The following PLCB4 variants were observed in gnomAD, a reference collection of about 807,000 sequenced individuals.
PLCB4 encodes 1-phosphatidylinositol 4,5-bisphosphate phosphodiesterase beta-4.
A neutral mutation model predicts 178.8 loss-of-function variants in PLCB4; 77 were observed. The ratio of observed to expected loss-of-function variants is 0.43; its 90% CI spans 0.36 to 0.52. PLCB4 has a LOEUF of 0.52. Ranked by LOEUF, PLCB4 falls within the 20% of genes least tolerant of loss-of-function variation. The probability of loss-of-function intolerance (pLI) is 0.00; values close to 1 mark genes in which losing one functional copy is unlikely to be tolerated. For missense variants in PLCB4, 1,024 were observed against 1,453.4 expected (o/e 0.70, Z 4.80); for synonymous variants, 496 against 490.8 (o/e 1.01, Z -0.14).
At chr20:9,464,579 TA>T (rs1200370596) in intron 35 of PLCB4, among the ~76,000 whole-genome samples, 15 of 151,402 alleles carry the variant, frequency 9.9e-5, no homozygotes, top group Admixed American at 4.6e-4. Context: ...AAAGATGCAA[TA>T]AAAAAATGAT....
Position 9,173,661 on chromosome 20 carries a change from TTG to T in PLCB4, c.-78-43727_-78-43726del, listed in dbSNP as rs2093103532. Among the ~76,000 whole-genome samples the T allele has an allele frequency of 1.3e-5, 2 of 152,188 alleles. 1 individual carries two copies. Among genetic ancestry groups the T allele is most frequent in the Admixed American group, 1.3e-4 (2 of 15,272 alleles). ...TGAATCCCTCTGAACTCTGTTTCTA[TTG>T]TCACATGTCTTTCTTTGATCCTTCT... On this transcript the variant is annotated intron_variant, in intron 2 of 39. Coordinates refer to ENST00000378473, the MANE Select transcript of PLCB4 (RefSeq NM_001377142.1).
intron 3 of PLCB4, among the ~76,000 whole-genome samples, chr20:9,286,663 G>A (rs979024905): frequency 1.3e-5 from 2 of 151,998 alleles, no homozygotes; most frequent in African/African-American, 4.8e-5. Flanking sequence ...ACAACATACA[G>A]TGGGATTCAC....
rs2092292393 is a variant in PLCB4, at chr20:9,132,353, G to A, written c.-79+36011G>A. ...ACTGCTTCTACCTTTGCAACTGAAT[G>A]TCATGCAGTATTTTTATTTCCACAT... On this transcript the variant is annotated intron_variant, in intron 2 of 39. Transcript: ENST00000378473. Among the ~76,000 whole-genome samples, 3 of 152,002 alleles carry A rather than the reference G, an allele frequency of 2.0e-5. No homozygotes were observed. The South Asian group carries it at 6.2e-4, about 32-fold the overall frequency.
At chr20:9,259,151 G>A (rs2094270475) in intron 3 of PLCB4, among the ~76,000 whole-genome samples, 1 of 152,222 alleles carries the variant, frequency 6.6e-6, no homozygotes, top group Non-Finnish European at 1.5e-5. Context: ...AATGGTCTGA[G>A]TGAGTGGATG....
At chr20:9,115,969 A>T (rs2091765190) in intron 2 of PLCB4, among the ~76,000 whole-genome samples, 1 of 151,926 alleles carries the variant, frequency 6.6e-6, no homozygotes, top group African/African-American at 2.4e-5. Context: ...AGAAAAACAT[A>T]CCTCTTTTAT....
At chr20:9,289,782 A>G (rs188959633) in intron 3 of PLCB4, among the ~76,000 whole-genome samples, 12 of 152,228 alleles carry the variant, frequency 7.9e-5, no homozygotes, top group Admixed American at 2.6e-4. Flanking sequence ...TAGTTCTACC[A>G]TATTTGAGGG....
intron 2 of PLCB4, among the ~76,000 whole-genome samples, chr20:9,152,514 T>C (rs185980902): frequency 1.6e-3 from 237 of 152,330 alleles, no homozygotes; most frequent in African/African-American, 5.5e-3. Context: ...CCTTGGCAGC[T>C]TCCATGTTGT....
At chr20:9,229,031 C>T (rs2093901522) in intron 3 of PLCB4, among the ~76,000 whole-genome samples, 2 of 152,168 alleles carry the variant, frequency 1.3e-5, no homozygotes, top group Admixed American at 1.3e-4. Flanking sequence ...TCATCTGGTG[C>T]AAACAACAAA....
intron 3 of PLCB4, among the ~76,000 whole-genome samples, chr20:9,226,702 C>T (rs1269863948): frequency 6.6e-6 from 1 of 152,120 alleles, no homozygotes; most frequent in Non-Finnish European, 1.5e-5. Flanking sequence ...GAACTAATTT[C>T]TAATGAATTC....
At chr20:9,224,994 T>C (rs2093845559) in intron 3 of PLCB4, among the ~76,000 whole-genome samples, 1 of 152,180 alleles carries the variant, frequency 6.6e-6, no homozygotes, top group Non-Finnish European at 1.5e-5. Context: ...CTGGAAAAGA[T>C]TGAAATGCCA....
chr20:9,441,746 G>T (rs181872429), intron 30 of PLCB4, among the ~76,000 whole-genome samples: 2 of 152,146 alleles, frequency 1.3e-5, no homozygotes, highest in Admixed American at 1.3e-4. Context: ...GCATTCAGAC[G>T]CTGGCAATTG....
chr20:9,443,332 T>C (rs2042221257), intron 30 of PLCB4, among the ~76,000 whole-genome samples: 1 of 152,256 alleles, frequency 6.6e-6, no homozygotes, highest in South Asian at 2.1e-4. Context: ...TGGCATGATA[T>C]GCCTTGAAAT....
intron 2 of PLCB4, among the ~76,000 whole-genome samples, chr20:9,170,643 A>G (rs1454690417): frequency 6.6e-6 from 1 of 152,214 alleles, no homozygotes; most frequent in Admixed American, 6.5e-5. Context: ...TTCTTCAGAA[A>G]CAGAAAGCTC....
intron 28 of PLCB4, among the ~76,000 whole-genome samples, chr20:9,424,838 C>T (rs1883487): frequency 0.16 from 23,782 of 152,088 alleles, 3,117 homozygotes; most frequent in African/African-American, 0.34. Flanking sequence ...TTCTATACTT[C>T]ACTGGAACAC....
intron 2 of PLCB4, among the ~76,000 whole-genome samples, chr20:9,169,231 A>G (rs907803418): frequency 1.3e-5 from 2 of 152,100 alleles, no homozygotes; most frequent in Non-Finnish European, 2.9e-5. Flanking sequence ...TTCCAATGTA[A>G]TAATCCAGTT....
At chr20:9,391,147 G>C (rs530276070) in intron 17 of PLCB4, among the ~76,000 whole-genome samples, 12 of 152,320 alleles carry the variant, frequency 7.9e-5, no homozygotes, top group Non-Finnish European at 1.5e-4. Context: ...AAATCACTGA[G>C]TAATGTTGCA....
intron 2 of PLCB4, among the ~76,000 whole-genome samples, chr20:9,111,097 C>T (rs750833298): frequency 6.6e-6 from 1 of 151,812 alleles, no homozygotes. Flanking sequence ...TGGGAAAATG[C>T]CAGATTGAAC....
At chr20:9,228,334 C>A (rs900658577) in intron 3 of PLCB4, among the ~76,000 whole-genome samples, 3 of 152,122 alleles carry the variant, frequency 2.0e-5, no homozygotes, top group African/African-American at 7.2e-5. Context: ...AGGAAGAAGG[C>A]AGGTGATTTT....
intron 2 of PLCB4, among the ~76,000 whole-genome samples, chr20:9,108,658 C>T (rs771905716): frequency 1.4e-5 from 2 of 146,646 alleles, no homozygotes; most frequent in Non-Finnish European, 3.0e-5. Context: ...TTCAAGAATG[C>T]CAAATATATT....
Sources: gnomAD v4.1 joint callset for allele counts (sites outside exome capture counted in the v4.1 genomes callset) on GRCh38, gnomAD v4.1.1 for gene constraint, MANE v1.5 for transcripts, NCBI Gene and HGNC (gene_info 2026-07-23, HGNC 2026-07-21) for gene names.